The following TPD52L2 variants were observed in gnomAD, a reference collection of about 807,000 sequenced individuals.
TPD52L2 encodes the protein tumor protein D54.
Under a neutral mutation model 24.7 loss-of-function variants are expected in TPD52L2, and 19 were observed. That is an observed-to-expected ratio of 0.77 (90% CI 0.54 to 1.13). The LOEUF (loss-of-function observed/expected upper bound fraction) is 1.13. Among genes scored for constraint, TPD52L2 ranks in the 50% most tolerant of loss-of-function variants. The probability of loss-of-function intolerance (pLI) is 0.00; values close to 1 mark genes in which losing one functional copy is unlikely to be tolerated. For missense variants in TPD52L2, 236 were observed against 250.4 expected (o/e 0.94, Z 0.39); for synonymous variants, 104 against 100.2 (o/e 1.04, Z -0.23).
chr20:63,875,890 C>G lies in TPD52L2; in HGVS notation c.374+15C>G. ...CAGTCAGACCTGTGAGTGCCTGTAT[C>G]ATCAGCACCTCCTCCTTCCTCCTCT... On this transcript the variant is annotated intron_variant, in intron 4 of 6. Transcript: ENST00000346249. 6.2e-7 allele frequency: 1 copy of G among 1,613,670 alleles called. No homozygotes were observed. Among genetic ancestry groups the G allele is most frequent in the South Asian group, 1.1e-5 (1 of 91,036 alleles).
intron 6 of TPD52L2, among the ~76,000 whole-genome samples, 173 bp from the exon 7 acceptor site, chr20:63,889,677 G>A (rs928671730): frequency 6.6e-6 from 1 of 152,214 alleles, no homozygotes; most frequent in African/African-American, 2.4e-5. Context: ...ATTTGGCATC[G>A]TTCTCTGGAG....
chr20:63,890,948 G>C lies in TPD52L2; in HGVS notation c.*1003G>C, dbSNP rs543677964. The C allele has an allele frequency of 2.0e-5, 3 of 152,634 alleles. No homozygotes were observed. The East Asian group carries it at 5.6e-4, about 29-fold the overall frequency. 9.5% of individuals were successfully genotyped at this position (152,634 alleles called of 1,614,324 possible). On this transcript the variant is annotated 3_prime_UTR_variant, in exon 7 of 7. Coordinates refer to ENST00000346249, the MANE Select transcript of TPD52L2 (RefSeq NM_003288.4). ...CCTTCTCAGTGCTGCCTTTGCATGG[G>C]CCTGGCCCGGCTCACATTCGTCAGT...
At chr20:63,866,403 A>G (rs558135311) in intron 1 of TPD52L2, among the ~76,000 whole-genome samples, 2 of 147,668 alleles carry the variant, frequency 1.4e-5, no homozygotes, top group South Asian at 4.3e-4. Flanking sequence ...GTGCCCGGCT[A>G]CATATTAAGC....
intron 4 of TPD52L2, among the ~76,000 whole-genome samples, chr20:63,878,898 C>T (rs1395048684): frequency 6.6e-6 from 1 of 152,216 alleles, no homozygotes; most frequent in Non-Finnish European, 1.5e-5. Flanking sequence ...GACCCCTGCC[C>T]CTTCCTCCCG....
chr20:63,876,821 C>T (rs1465159641), intron 4 of TPD52L2: 2 of 455,534 alleles, frequency 4.4e-6, no homozygotes, highest in African/African-American at 2.0e-5. Flanking sequence ...CCGGGTATTC[C>T]AGGGACCCGG....
rs547406712 is a variant in TPD52L2 at position 63,874,228 on chromosome 20, T to TTGTG, written c.314+438_314+441dup. ...CACCGCGCCCGGCTGATTTTTTTTT[T>TTGTG]TGTGTGTGTGTGTGTGTGTGTGTGT... On this transcript the variant is annotated intron_variant, in intron 3 of 6. Transcript: ENST00000346249. Among the ~76,000 whole-genome samples, 1,356 of 139,986 alleles carry TTGTG rather than the reference T, an allele frequency of 9.7e-3. 11 individuals carry two copies. Among genetic ancestry groups the TTGTG allele is most frequent in the African/African-American group, 0.029 (1,067 of 36,652 alleles). 91.8% of individuals were successfully genotyped at this position (139,986 alleles called of 152,430 possible). A position where few individuals can be genotyped will look rare whatever the true frequency, so the allele number is the denominator to read the frequency against.
intron 5 of TPD52L2, among the ~76,000 whole-genome samples, chr20:63,883,893 T>A (rs2052997605): frequency 6.6e-6 from 1 of 152,052 alleles, no homozygotes. Flanking sequence ...CCGCCTGTGG[T>A]TGCCAGGTGG....
At chr20:63,870,089 T>C (rs1014199494) in intron 2 of TPD52L2, among the ~76,000 whole-genome samples, 1 of 152,246 alleles carries the variant, frequency 6.6e-6, no homozygotes, top group Admixed American at 6.5e-5. Context: ...GATTGCATCC[T>C]GCACAGCAGC....
At chr20:63,880,370 C>T (rs1457864412) in intron 4 of TPD52L2, among the ~76,000 whole-genome samples, 17 of 83,096 alleles carry the variant, frequency 2.0e-4, no homozygotes, top group African/African-American at 8.3e-4. Context: ...CTTCCCCATC[C>T]CCACTCTTTA....
At chr20:63,888,931 C>T (rs532223559) in intron 5 of TPD52L2, 27 of 561,220 alleles carry the variant, frequency 4.8e-5, no homozygotes, top group African/African-American at 3.7e-4. Context: ...CGACATCTCC[C>T]CAGCTGCACA....
At chr20:63,880,682 A>G (rs943671201) in intron 4 of TPD52L2, among the ~76,000 whole-genome samples, 1 of 151,392 alleles carries the variant, frequency 6.6e-6, no homozygotes, top group African/African-American at 2.4e-5. Context: ...CGAGGTCAGG[A>G]GATCGAGACC....
chr20:63,873,878 G>A (rs1011870066), intron 3 of TPD52L2, 62 bp downstream of exon 3: 25 of 1,409,298 alleles, frequency 1.8e-5, no homozygotes, highest in East Asian at 1.1e-4. Flanking sequence ...CACGTGCCCC[G>A]GCATGTGGGG....
intron 5 of TPD52L2, chr20:63,887,610 T>C (rs775344081): frequency 1.2e-6 from 2 of 1,613,100 alleles, no homozygotes; most frequent in African/African-American, 1.3e-5. Flanking sequence ...CATGAGGTAA[T>C]GTATGCCTGC....
chr20:63,887,602 T>C lies in TPD52L2; in HGVS notation c.477-1588T>C, dbSNP rs767464842. On this transcript the variant is annotated intron_variant, in intron 5 of 6. Transcript: ENST00000346249. ...CGCCACTCAATAAGTATGCCAGCCA[T>C]GAGGTAATGTATGCCTGCTCGCTGC... 5 of 1,612,874 alleles carry C rather than the reference T, an allele frequency of 3.1e-6. No individual in the cohort carries two copies. In the East Asian group the frequency reaches 1.1e-4, roughly 36 times the overall value.
intron 1 of TPD52L2, among the ~76,000 whole-genome samples, chr20:63,868,460 G>A (rs868498332): frequency 2.0e-5 from 3 of 152,222 alleles, no homozygotes; most frequent in Admixed American, 6.5e-5. Context: ...GCCTGCTGGC[G>A]GCCTTCTGGC....
intron 4 of TPD52L2, among the ~76,000 whole-genome samples, chr20:63,878,680 C>G (rs1188782132): frequency 6.6e-6 from 1 of 152,188 alleles, no homozygotes; most frequent in Admixed American, 6.5e-5. Context: ...CAGAGACAGA[C>G]TCAGGAGAGG....
At position 63,886,275 on chromosome 20, in the gene TPD52L2, G is replaced by A. The variant is rs909959397; in HGVS notation, c.477-2915G>A. ...CCCGGCCCTTCTGTGTCCCCTCCTC[G>A]TGCTTCCCTTCAGGCTCACAGACCG... On this transcript the variant is annotated intron_variant, in intron 5 of 6. Transcript: ENST00000346249. Among the ~76,000 whole-genome samples, 8 of 151,986 alleles carry A rather than the reference G, an allele frequency of 5.3e-5. No homozygotes were observed. The East Asian group carries it at 5.8e-4, about 11-fold the overall frequency.
intron 6 of TPD52L2, 89 bp downstream of exon 6, chr20:63,889,327 C>A: frequency 8.8e-7 from 1 of 1,132,896 alleles, no homozygotes; most frequent in Non-Finnish European, 1.3e-6. Flanking sequence ...TTATGGTAGA[C>A]TCACATACAG....
chr20:63,888,590 G>A (rs1342970238), intron 5 of TPD52L2: 2 of 127,554 alleles, frequency 1.6e-5, no homozygotes, highest in African/African-American at 6.3e-5. Flanking sequence ...GAGAGGGGCC[G>A]ACAGCCCCCC....
Sources: allele counts gnomAD v4.1 joint callset (sites outside exome capture counted in the v4.1 genomes callset), GRCh38; gene constraint gnomAD v4.1.1; transcripts MANE v1.5; gene names NCBI Gene and HGNC (gene_info 2026-07-23, HGNC 2026-07-21).